The following SUSD4 variants were observed in gnomAD, a reference collection of about 807,000 sequenced individuals.
The protein encoded by SUSD4 is sushi domain-containing protein 4.
A neutral mutation model predicts 50.5 loss-of-function variants in SUSD4; 41 were observed. That is an observed-to-expected ratio of 0.81 (90% CI 0.63 to 1.05). The LOEUF (loss-of-function observed/expected upper bound fraction) is 1.05, where lower values mean the gene tolerates loss of function less well. Among genes scored for constraint, SUSD4 ranks in the 50% least tolerant of loss-of-function variants. SUSD4 has a pLI of 0.00. For synonymous variants in SUSD4, 257 were observed against 257.3 expected (o/e 1.00, Z 0.01); for missense variants, 580 against 634.7 (o/e 0.91, Z 0.93).
intron 3 of SUSD4, among the ~76,000 whole-genome samples, chr1:223,275,532 G>A (rs917224029): frequency 1.6e-4 from 25 of 152,148 alleles, no homozygotes; most frequent in African/African-American, 6.0e-4. Flanking sequence ...GACTTCCAGA[G>A]GTTCTACCCC....
In SUSD4 at chr1:223,334,439, C is replaced by T. The variant is rs74475160; in HGVS notation, c.148+28839G>A. Among the ~76,000 whole-genome samples, 1,040 of 152,100 alleles carry T rather than the reference C, an allele frequency of 6.8e-3. 9 individuals are homozygous for T. Among genetic ancestry groups the T allele is most frequent in the African/African-American group, 0.024 (982 of 41,504 alleles). ...AGAAAAATGAAGAGAAGGAAATCAT[C>T]GAAGAATATTTTTTAAATTCCCAGA... On this transcript the variant is annotated intron_variant, in intron 2 of 8. Coordinates refer to ENST00000366878, the MANE Select transcript of SUSD4 (RefSeq NM_017982.4).
chr1:223,256,434 G>C (rs1242179121), intron 5 of SUSD4, among the ~76,000 whole-genome samples: 2 of 152,202 alleles, frequency 1.3e-5, no homozygotes, highest in Non-Finnish European at 2.9e-5. Context: ...GCTGACTAAA[G>C]ATAGCAGGTG....
intron 4 of SUSD4, among the ~76,000 whole-genome samples, chr1:223,267,164 A>C (rs1197224677): frequency 6.6e-6 from 1 of 152,226 alleles, no homozygotes; most frequent in Admixed American, 6.5e-5. Context: ...AAAGAGCAGC[A>C]GGAAAGCCTG....
chr1:223,359,276 T>C (rs1668836204), intron 2 of SUSD4, among the ~76,000 whole-genome samples: 1 of 152,250 alleles, frequency 6.6e-6, no homozygotes, highest in South Asian at 2.1e-4. Flanking sequence ...CTATTTTTCC[T>C]TCTACCCTAC....
chr1:223,328,038 G>C (rs1666975078), intron 2 of SUSD4, among the ~76,000 whole-genome samples: 1 of 151,946 alleles, frequency 6.6e-6, no homozygotes, highest in Admixed American at 6.5e-5. Context: ...ATACTCAAGA[G>C]TGGAGAAAGA....
chr1:223,349,899 C>T (rs533145812), intron 2 of SUSD4, among the ~76,000 whole-genome samples: 1 of 152,216 alleles, frequency 6.6e-6, no homozygotes, highest in Admixed American at 6.5e-5. Flanking sequence ...AAGCCTTAAC[C>T]CCCAATATGA....
At chr1:223,283,207 T>C (rs1663876575) in intron 3 of SUSD4, among the ~76,000 whole-genome samples, 3 of 152,062 alleles carry the variant, frequency 2.0e-5, no homozygotes, top group Non-Finnish European at 2.9e-5. Context: ...AAAGCAATGG[T>C]AACAACAGTC....
At chr1:223,246,726 C>T (rs530145101) in intron 5 of SUSD4, among the ~76,000 whole-genome samples, 17 of 152,194 alleles carry the variant, frequency 1.1e-4, no homozygotes, top group African/African-American at 3.9e-4. Flanking sequence ...TGAAGGCTCC[C>T]CTTTTCCGAA....
Position 223,363,474 on chromosome 1 carries a change from C to T in SUSD4, c.-35-14G>A. 2 of 1,480,336 alleles carry T rather than the reference C, an allele frequency of 1.4e-6. No homozygotes were observed. The highest frequency in any genetic ancestry group is 1.4e-5 in the South Asian group (1 of 71,496). 91.7% of individuals were successfully genotyped at this position (1,480,336 alleles called of 1,614,324 possible). ...GCTTGCAAGAGTCTGCAACCAGAAG[C>T]GGAACACCACAATAAGCCAGTCTGT... On this transcript the variant is annotated splice_polypyrimidine_tract_variant and intron_variant, in intron 1 of 8. Coordinates refer to ENST00000366878, the MANE Select transcript of SUSD4 (RefSeq NM_017982.4).
At chr1:223,333,988 A>G (rs757324862) in intron 2 of SUSD4, among the ~76,000 whole-genome samples, 10 of 152,150 alleles carry the variant, frequency 6.6e-5, no homozygotes, top group Non-Finnish European at 1.5e-4. Flanking sequence ...CAGCCCAGTC[A>G]ATTTTCAGGA....
At chr1:223,289,740 G>A (rs754780888) in intron 3 of SUSD4, among the ~76,000 whole-genome samples, 7 of 152,084 alleles carry the variant, frequency 4.6e-5, no homozygotes, top group East Asian at 1.9e-4. Context: ...AAACTAAATC[G>A]GAATGAGGGC....
chr1:223,359,195 C>T (rs1023432179), intron 2 of SUSD4: 2 of 466,210 alleles, frequency 4.3e-6, no homozygotes, highest in African/African-American at 4.0e-5. Context: ...TCAGTGGGTT[C>T]CCCACTGCCT....
chr1:223,362,685 A>T (rs893116748), intron 2 of SUSD4, among the ~76,000 whole-genome samples: 2 of 152,218 alleles, frequency 1.3e-5, no homozygotes, highest in African/African-American at 4.8e-5. Context: ...TCAGAGGCAC[A>T]CCTGAAAGAA....
At chr1:223,241,841 G>A (rs1427030855) in intron 5 of SUSD4, among the ~76,000 whole-genome samples, 2 of 152,202 alleles carry the variant, frequency 1.3e-5, no homozygotes, top group Non-Finnish European at 2.9e-5. Context: ...TCAAAGAAAG[G>A]AGTGCCTTTC....
At chr1:223,251,587 AT>A (rs923370537) in intron 5 of SUSD4, among the ~76,000 whole-genome samples, 1 of 152,156 alleles carries the variant, frequency 6.6e-6, no homozygotes, top group Non-Finnish European at 1.5e-5. Flanking sequence ...TGAACTCATC[AT>A]TTTTTATGGC....
At chr1:223,277,249 G>C (rs189651458) in intron 3 of SUSD4, among the ~76,000 whole-genome samples, 5 of 152,192 alleles carry the variant, frequency 3.3e-5, no homozygotes, top group Admixed American at 3.3e-4. Context: ...TCAGGTCTAT[G>C]GGAGCCAAAA....
At chr1:223,298,484 G>A (rs146744793) in intron 2 of SUSD4, among the ~76,000 whole-genome samples, 6 of 152,242 alleles carry the variant, frequency 3.9e-5, no homozygotes, top group African/African-American at 1.4e-4. Flanking sequence ...CAGTATGGGG[G>A]GCCAGAGGTA....
chr1:223,333,413 T>C (rs1490526547), intron 2 of SUSD4, among the ~76,000 whole-genome samples: 1 of 151,754 alleles, frequency 6.6e-6, no homozygotes, highest in Non-Finnish European at 1.5e-5. Flanking sequence ...TATTACTCAA[T>C]CAAAAATTTT....
At chr1:223,351,426 T>C (rs921931177) in intron 2 of SUSD4, among the ~76,000 whole-genome samples, 30 of 152,220 alleles carry the variant, frequency 2.0e-4, no homozygotes, top group Non-Finnish European at 4.0e-4. Context: ...AAAGGCTCCA[T>C]GCAAACCCTG....
Sources: gnomAD v4.1 joint callset for allele counts (sites outside exome capture counted in the v4.1 genomes callset) on GRCh38, gnomAD v4.1.1 for gene constraint, MANE v1.5 for transcripts, NCBI Gene and HGNC (gene_info 2026-07-23, HGNC 2026-07-21) for gene names.